ESRRG: variants seen among roughly 807,000 people sequenced by gnomAD.
The protein encoded by ESRRG is estrogen-related receptor gamma.
ESRRG carries 13 observed loss-of-function variants against 44.0 expected under a neutral mutation model. The observed-to-expected ratio is 0.30, with a 90% confidence interval of 0.19 to 0.47. The LOEUF (loss-of-function observed/expected upper bound fraction) is 0.47, where lower values mean the gene tolerates loss of function less well. Among genes scored for constraint, ESRRG ranks in the 20% least tolerant of loss-of-function variants. The probability of loss-of-function intolerance (pLI) is 1.00; values close to 1 mark genes in which losing one functional copy is unlikely to be tolerated. For missense variants in ESRRG, 395 were observed against 580.6 expected (o/e 0.68, Z 3.29); for synonymous variants, 215 against 214.6 (o/e 1.00, Z -0.02).
chr1:216,787,316 CA>C (rs1224609625), intron 2 of ESRRG, among the ~76,000 whole-genome samples: 2 of 151,744 alleles, frequency 1.3e-5, no homozygotes, highest in African/African-American at 4.8e-5. Context: ...TTAAAAACCC[CA>C]AAAAAGGCTG....
chr1:217,060,813 TAGATA>T (rs200820030), intron 1 of ESRRG, among the ~76,000 whole-genome samples: 23 of 43,204 alleles, frequency 5.3e-4, no homozygotes, highest in East Asian at 2.2e-3. Context: ...GATAGATAGA[TAGATA>T]GATAGATAGA....
chr1:217,119,153 G>T (rs775879586), intron 1 of ESRRG, among the ~76,000 whole-genome samples: 4 of 152,178 alleles, frequency 2.6e-5, no homozygotes, highest in Non-Finnish European at 4.4e-5. Context: ...GCCAATTTGG[G>T]TTAATGCAAT....
intron 2 of ESRRG, among the ~76,000 whole-genome samples, chr1:216,775,629 G>T (rs560749642): frequency 7.8e-6 from 1 of 128,450 alleles, no homozygotes; most frequent in Non-Finnish European, 1.6e-5. Flanking sequence ...GCTGGTCATC[G>T]CAGCCTTGAC....
At chr1:217,114,665 T>G (rs1051899534) in intron 1 of ESRRG, among the ~76,000 whole-genome samples, 1 of 134,424 alleles carries the variant, frequency 7.4e-6, no homozygotes, top group African/African-American at 2.9e-5. Context: ...TCCAAAAGAT[T>G]TCTTTTTTTT....
intron 2 of ESRRG, among the ~76,000 whole-genome samples, chr1:216,917,161 T>A (rs1257966452): frequency 6.7e-6 from 1 of 149,238 alleles, no homozygotes; most frequent in Non-Finnish European, 1.5e-5. Context: ...AGACTTTCTT[T>A]TTTTTTTTTT....
intron 1 of ESRRG, among the ~76,000 whole-genome samples, chr1:216,721,213 A>G (rs931484625): frequency 6.6e-6 from 1 of 152,224 alleles, no homozygotes; most frequent in African/African-American, 2.4e-5. Flanking sequence ...TGGTCAATAA[A>G]TGGTATGAAT....
chr1:217,029,676 C>T (rs1197704338), intron 1 of ESRRG, among the ~76,000 whole-genome samples: 1 of 152,122 alleles, frequency 6.6e-6, no homozygotes, highest in Non-Finnish European at 1.5e-5. Context: ...AGTCTTGAGC[C>T]AGAATATTTA....
intron 2 of ESRRG, among the ~76,000 whole-genome samples, chr1:216,801,790 G>A (rs1033456296): frequency 6.6e-6 from 1 of 152,024 alleles, no homozygotes; most frequent in African/African-American, 2.4e-5. Context: ...AAAATTGGAT[G>A]GTTTTCCTGC....
rs576444515 is a variant in ESRRG at position 217,064,996 on chromosome 1, T to C, written c.-106+24511A>G. Among the ~76,000 whole-genome samples, 9 of 152,198 alleles carry C rather than the reference T, an allele frequency of 5.9e-5. No individual in the cohort carries two copies. In the East Asian group the frequency reaches 1.7e-3, roughly 29 times the overall value. On this transcript the variant is annotated intron_variant, in intron 1 of 7. Transcript: ENST00000359162. ...CTCCTATAATGCCCCAAAACAAATG[T>C]GAGAATGCCACATTTTCCTGACTCA... is the stretch of plus-strand genomic sequence containing the variant.
intron 2 of ESRRG, among the ~76,000 whole-genome samples, chr1:216,898,665 C>T (rs1054019602): frequency 2.0e-5 from 3 of 149,758 alleles, no homozygotes; most frequent in Non-Finnish European, 4.5e-5. Flanking sequence ...CATTATGTTA[C>T]ACCATTGGCC....
At chr1:216,532,023 A>T (rs1298496441) in intron 5 of ESRRG, among the ~76,000 whole-genome samples, 1 of 152,082 alleles carries the variant, frequency 6.6e-6, no homozygotes, top group African/African-American at 2.4e-5. Flanking sequence ...CCATATTTGG[A>T]AGTTGTCCTG....
chr1:216,909,034 CAT>C (rs1174646066), intron 2 of ESRRG, among the ~76,000 whole-genome samples: 2 of 152,172 alleles, frequency 1.3e-5, no homozygotes, highest in East Asian at 3.9e-4. Flanking sequence ...ACAAAGCACA[CAT>C]ATATTTCCTC....
intron 2 of ESRRG, among the ~76,000 whole-genome samples, chr1:216,830,492 G>T (rs2095470635): frequency 6.6e-6 from 1 of 152,178 alleles, no homozygotes; most frequent in African/African-American, 2.4e-5. Flanking sequence ...CGCTTTGAGA[G>T]GCTTGTCAGG....
At chr1:217,038,182 T>G (rs1408858449) in intron 1 of ESRRG, among the ~76,000 whole-genome samples, 1 of 152,242 alleles carries the variant, frequency 6.6e-6, no homozygotes, top group African/African-American at 2.4e-5. Context: ...GAAGGGACTC[T>G]GTGTGGGGCC....
At chr1:216,918,713 T>G (rs2061478308) in intron 2 of ESRRG, among the ~76,000 whole-genome samples, 2 of 151,766 alleles carry the variant, frequency 1.3e-5, no homozygotes, top group African/African-American at 4.8e-5. Flanking sequence ...TTTTAAAATA[T>G]TTATAATAAA....
At chr1:216,839,722 A>G (rs1245563919) in intron 2 of ESRRG, among the ~76,000 whole-genome samples, 1 of 99,578 alleles carries the variant, frequency 1.0e-5, no homozygotes, top group Non-Finnish European at 2.1e-5. Flanking sequence ...TCATTCATCT[A>G]TTGAACAGAT....
At chr1:216,686,483 A>G (rs960508158) in intron 1 of ESRRG, among the ~76,000 whole-genome samples, 7 of 151,486 alleles carry the variant, frequency 4.6e-5, no homozygotes, top group Admixed American at 1.3e-4. Context: ...TTCAGCAGAA[A>G]CATAGCATCC....
rs1349093774 is a variant in ESRRG, at chr1:216,750,769, A to ATTT, written c.-13-73279_-13-73278insAAA. The stretch of plus-strand genomic sequence containing the variant: ...AAAGAGAGTTATTTACCTTTTTTTA[A>ATTT]AAAAAAACTCAAAGCCATAACAATT... On this transcript the variant is annotated intron_variant, in intron 2 of 7. Transcript: ENST00000359162. Among the ~76,000 whole-genome samples, 204 of 139,612 alleles carry ATTT rather than the reference A, an allele frequency of 1.5e-3. 1 individual carries two copies. Among genetic ancestry groups the ATTT allele is most frequent in the African/African-American group, 4.7e-3 (181 of 38,712 alleles). The allele number at this position is 139,612 out of a possible 152,430, so 91.6% of individuals were successfully genotyped here.
At chr1:216,777,230 A>G (rs2093648596) in intron 2 of ESRRG, among the ~76,000 whole-genome samples, 1 of 152,076 alleles carries the variant, frequency 6.6e-6, no homozygotes. Context: ...TAAAAGCACT[A>G]CAGATCTACT....
Sources: gnomAD v4.1 joint callset for allele counts (sites outside exome capture counted in the v4.1 genomes callset) on GRCh38, gnomAD v4.1.1 for gene constraint, MANE v1.5 for transcripts, NCBI Gene and HGNC (gene_info 2026-07-23, HGNC 2026-07-21) for gene names.